Variants in BRD3 observed in about 807,000 individuals in gnomAD.
The protein encoded by BRD3 is bromodomain containing 3.
BRD3 carries 17 observed loss-of-function variants against 66.8 expected under a neutral mutation model. That is an observed-to-expected ratio of 0.25 (90% CI 0.17 to 0.38). BRD3 has a LOEUF of 0.38. Ranked by LOEUF, BRD3 falls within the 10% of genes least tolerant of loss-of-function variation. The pLI is 1.00. For missense variants in BRD3, 713 were observed against 956.1 expected, an observed-to-expected ratio of 0.75 and a Z score of 3.35; for synonymous variants, 421 against 393.2, an observed-to-expected ratio of 1.07 and a Z score of -0.84.
intron 9 of BRD3, among the ~76,000 whole-genome samples, chr9:134,037,832 A>G (rs1829958161): frequency 6.6e-6 from 1 of 152,244 alleles, no homozygotes; most frequent in Admixed American, 6.5e-5. Context: ...AATGAAAAAG[A>G]CACATCACTA....
chr9:134,045,442 G>C lies in BRD3; in HGVS notation c.1087-21C>G. 6.2e-7 allele frequency: 1 copy of C among 1,612,986 alleles called. No individual in the cohort carries two copies. The highest frequency in any genetic ancestry group is 8.5e-7 in the Non-Finnish European group (1 of 1,179,856). On this transcript the variant is annotated intron_variant, in intron 6 of 11. Coordinates refer to ENST00000303407, the MANE Select transcript of BRD3 (RefSeq NM_007371.4). The surrounding 1 kb of genome is among the most constrained non-coding windows in gnomAD (Gnocchi z 4.8). Reference sequence around the variant, plus strand: ...TTCCTCTGCAACACACAGTGACAGGGGCCAGTGAGCGTGGCCCGTGGCATC... The same window carrying C: ...TTCCTCTGCAACACACAGTGACAGGCGCCAGTGAGCGTGGCCCGTGGCATC...
rs186831044 is a variant in BRD3, at chr9:134,054,946, C to T, written c.-113-1356G>A. Reference sequence around the variant, plus strand: ...AGCTCACCCACCAAGCATGCCAGCACGAGAGAACGTGCCCCGTCTCTGGGG... The same window carrying T: ...AGCTCACCCACCAAGCATGCCAGCATGAGAGAACGTGCCCCGTCTCTGGGG... On this transcript the variant is annotated intron_variant, in intron 1 of 11. Coordinates refer to ENST00000303407, the MANE Select transcript of BRD3 (RefSeq NM_007371.4). Among the ~76,000 whole-genome samples, 58 of 152,294 alleles carry T rather than the reference C, an allele frequency of 3.8e-4. 1 individual carries two copies. The highest frequency in any genetic ancestry group is 2.9e-3 in the Admixed American group (45 of 15,302).
chr9:134,057,036 C>A (rs1175169175), intron 1 of BRD3: 11 of 152,396 alleles, frequency 7.2e-5, no homozygotes. Flanking sequence ...ACCAGGGCAA[C>A]CTGCAGACCA....
At chr9:134,043,594 C>T (rs1375474910) in intron 7 of BRD3, among the ~76,000 whole-genome samples, 3 of 152,326 alleles carry the variant, frequency 2.0e-5, no homozygotes, top group African/African-American at 4.8e-5. Context: ...GGCCCCCGCT[C>T]GGCCGACAGC....
At chr9:134,061,657 A>G (rs368312312) in intron 1 of BRD3, among the ~76,000 whole-genome samples, 1 of 152,188 alleles carries the variant, frequency 6.6e-6, no homozygotes, top group East Asian at 1.9e-4. Flanking sequence ...CGTCTCCTGG[A>G]CTCTGTCCTG....
chr9:134,042,540 G>A (rs12349629), intron 7 of BRD3, among the ~76,000 whole-genome samples: 4,979 of 152,092 alleles, frequency 0.033, 294 homozygotes, highest in African/African-American at 0.11. Flanking sequence ...GGGAGGCTGC[G>A]ATGGGTGGAT....
chr9:134,038,388 G>C (rs1829973725), intron 9 of BRD3, among the ~76,000 whole-genome samples: 1 of 152,166 alleles, frequency 6.6e-6, no homozygotes, highest in Non-Finnish European at 1.5e-5. Flanking sequence ...TTACAGGTGT[G>C]AGCCACTGCA....
At chr9:134,060,605 C>CAT (rs1457960838) in intron 1 of BRD3, among the ~76,000 whole-genome samples, 32 of 151,780 alleles carry the variant, frequency 2.1e-4, no homozygotes, top group Middle Eastern at 3.2e-3. Flanking sequence ...CACACACACA[C>CAT]ACACACACAC....
intron 1 of BRD3, among the ~76,000 whole-genome samples, chr9:134,059,855 C>CGCAGCAGCA (rs1042808165): frequency 2.6e-5 from 4 of 152,128 alleles, no homozygotes; most frequent in Admixed American, 1.3e-4. Flanking sequence ...AGCAGCCTGT[C>CGCAGCAGCA]GCAGCAGCAG....
chr9:134,054,509 A>C (rs1211207452), intron 1 of BRD3: 2 of 152,354 alleles, frequency 1.3e-5, no homozygotes, highest in Non-Finnish European at 2.9e-5. Context: ...GGCAGACCCG[A>C]GGAGCTCTAA....
chr9:134,067,983 G>T lies in BRD3; in HGVS notation c.-152C>A, dbSNP rs1427678823. 4 of 144,954 alleles carry T rather than the reference G, an allele frequency of 2.8e-5. No homozygotes were observed. Among genetic ancestry groups the T allele is most frequent in the Admixed American group, 2.7e-4 (4 of 14,684 alleles). 9.0% of individuals were successfully genotyped at this position (144,954 alleles called of 1,614,324 possible). ...TCCGGCGGCCGTCCCCTCCCGGCCC[G>T]CGCGGCCGGCTCCTCTTTGGCTCGC... is the stretch of plus-strand genomic sequence containing the variant. On this transcript the variant is annotated 5_prime_UTR_variant, in exon 1 of 12. Transcript: ENST00000303407.
intron 9 of BRD3, chr9:134,036,719 C>A: frequency 2.2e-6 from 2 of 897,802 alleles, no homozygotes; most frequent in Admixed American, 2.1e-5. Flanking sequence ...GAAATATAAA[C>A]GGTCTAGGGC....
chr9:134,052,476 A>C (rs1351981742), intron 2 of BRD3, 33 bp from the exon 3 acceptor site: 1 of 1,585,978 alleles, frequency 6.3e-7, no homozygotes, highest in Non-Finnish European at 8.5e-7. Flanking sequence ...CATTACCAGA[A>C]GATTCTACAT....
intron 8 of BRD3, among the ~76,000 whole-genome samples, chr9:134,041,375 C>A (rs1277232524): frequency 6.6e-6 from 1 of 152,148 alleles, no homozygotes; most frequent in Non-Finnish European, 1.5e-5. Flanking sequence ...CCTCAGGACC[C>A]TGGAGCCTGC....
At chr9:134,042,293 G>A (rs954873892) in intron 7 of BRD3, among the ~76,000 whole-genome samples, 2 of 152,140 alleles carry the variant, frequency 1.3e-5, no homozygotes, top group Admixed American at 6.5e-5. Context: ...GCTGTGAAAC[G>A]GGAAACAGTG....
Position 134,032,618 on chromosome 9 carries a change from T to C in BRD3, c.*972A>G, listed in dbSNP as rs1357279976. ...GCACACCACTGGCAAGGCCTGCATC[T>C]CTGCGACTGTGTGAATGCATTTCTT... On this transcript the variant is annotated 3_prime_UTR_variant, in exon 12 of 12. Coordinates refer to ENST00000303407, the MANE Select transcript of BRD3 (RefSeq NM_007371.4). 1.7e-5 allele frequency: 4 copies of C among 229,952 alleles called. No individual in the cohort carries two copies. Among genetic ancestry groups the C allele is most frequent in the Non-Finnish European group, 3.4e-5 (4 of 115,998 alleles). The allele number at this position is 229,952 out of a possible 1,614,324, so 14.2% of individuals were successfully genotyped here. A position where few individuals can be genotyped will look rare whatever the true frequency, so the allele number is the denominator to read the frequency against.
At chr9:134,035,373 A>G (rs1465681708) in intron 10 of BRD3, among the ~76,000 whole-genome samples, 3 of 152,184 alleles carry the variant, frequency 2.0e-5, no homozygotes. Flanking sequence ...GGCCACATGC[A>G]AGTTCAAGTG....
chr9:134,059,822 C>G (rs1054858634), intron 1 of BRD3, among the ~76,000 whole-genome samples: 1 of 152,208 alleles, frequency 6.6e-6, no homozygotes, highest in Non-Finnish European at 1.5e-5. Flanking sequence ...GCAAGGCCCC[C>G]TCAGGAAGGC....
chr9:134,046,403 G>A lies in BRD3; in HGVS notation c.1087-982C>T, dbSNP rs539951657. On this transcript the variant is annotated intron_variant, in intron 6 of 11. Transcript: ENST00000303407. ...CGCAAGGGCAAGGCAAATCTACCCC[G>A]ACCGCTCTGTGGGGTCCAGGCTGCA... Among the ~76,000 whole-genome samples the A allele has an allele frequency of 5.3e-5, 8 of 152,306 alleles. No individual in the cohort carries two copies. In the South Asian group the frequency reaches 1.7e-3, roughly 32 times the overall value.
Sources: gnomAD v4.1 joint callset for allele counts (sites outside exome capture counted in the v4.1 genomes callset) on GRCh38, gnomAD v4.1.1 for gene constraint, Gnocchi (gnomAD v3.1) non-coding constraint, MANE v1.5 for transcripts, NCBI Gene and HGNC (gene_info 2026-07-23, HGNC 2026-07-21) for gene names.